PDE3A: variants seen among roughly 807,000 people sequenced by gnomAD.
PDE3A encodes the protein cGMP-inhibited 3',5'-cyclic phosphodiesterase 3A.
A neutral mutation model predicts 98.3 loss-of-function variants in PDE3A; 43 were observed. The ratio of observed to expected loss-of-function variants is 0.44; its 90% CI spans 0.34 to 0.56. PDE3A has a LOEUF of 0.56. Ranked by LOEUF, PDE3A falls within the 20% of genes least tolerant of loss-of-function variation. The pLI, the probability that PDE3A is intolerant of heterozygous loss-of-function variation, is 0.01. For synonymous variants in PDE3A, 663 were observed against 567.9 expected (o/e 1.17, Z -2.38); for missense variants, 1,427 against 1,440.7 (o/e 0.99, Z 0.15).
Position 20,687,663 on chromosome 12 carries a change from A to G in PDE3A, c.*7392A>G, listed in dbSNP as rs1290675444. Among the ~76,000 whole-genome samples the G allele has an allele frequency of 6.6e-6, 1 of 151,970 alleles. No homozygotes were observed. The highest frequency in any genetic ancestry group is 1.5e-5 in the Non-Finnish European group (1 of 67,934). On this transcript the variant is annotated 3_prime_UTR_variant, in exon 16 of 16. Coordinates refer to ENST00000359062, the MANE Select transcript of PDE3A (RefSeq NM_000921.5). ...CTGATATTTCTTCCTCAAGTTTTCT[A>G]TCATGCAAATCACAAAATGAAAATT...
chr12:20,480,541 C>T (rs1672968484), intron 1 of PDE3A, among the ~76,000 whole-genome samples: 1 of 152,202 alleles, frequency 6.6e-6, no homozygotes, highest in South Asian at 2.1e-4. Context: ...GCAAAACACA[C>T]ACACAGAGGA....
At chr12:20,662,428 T>C (rs150477169) in intron 15 of PDE3A, among the ~76,000 whole-genome samples, 34 of 152,324 alleles carry the variant, frequency 2.2e-4, no homozygotes, top group Admixed American at 8.5e-4. Flanking sequence ...CTGCATCATT[T>C]TGACCTGGAT....
At chr12:20,596,460 T>G (rs1374208323) in intron 2 of PDE3A, among the ~76,000 whole-genome samples, 1 of 152,182 alleles carries the variant, frequency 6.6e-6, no homozygotes, top group Non-Finnish European at 1.5e-5. Context: ...ATAATAAGAT[T>G]ACAACTGAAA....
At chr12:20,425,152 C>T (rs1022720886) in intron 1 of PDE3A, among the ~76,000 whole-genome samples, 1 of 152,166 alleles carries the variant, frequency 6.6e-6, no homozygotes, top group Non-Finnish European at 1.5e-5. Context: ...AAAAGAGGCA[C>T]ACGCCTGGAT....
chr12:20,602,977 T>C (rs1385258887), intron 2 of PDE3A, among the ~76,000 whole-genome samples: 1 of 152,212 alleles, frequency 6.6e-6, no homozygotes, highest in Non-Finnish European at 1.5e-5. Flanking sequence ...CCAGCTCATC[T>C]TCTAAATTAA....
At chr12:20,464,988 T>C (rs1336544212) in intron 1 of PDE3A, among the ~76,000 whole-genome samples, 2 of 152,340 alleles carry the variant, frequency 1.3e-5, no homozygotes, top group East Asian at 1.9e-4. Flanking sequence ...CAGTTACATA[T>C]GAGAATATGA....
At chr12:20,583,704 T>TATAAG (rs1943125886) in intron 2 of PDE3A, among the ~76,000 whole-genome samples, 1 of 152,224 alleles carries the variant, frequency 6.6e-6, no homozygotes, top group African/African-American at 2.4e-5. Flanking sequence ...TGGGCCCTGG[T>TATAAG]ATAAGATAAA....
chr12:20,601,013 C>A (rs1943578923), intron 2 of PDE3A, among the ~76,000 whole-genome samples: 1 of 152,078 alleles, frequency 6.6e-6, no homozygotes, highest in Non-Finnish European at 1.5e-5. Flanking sequence ...ATTGAGTGCC[C>A]ACAAAGTACC....
At chr12:20,620,416 A>G (rs1041104817) in intron 4 of PDE3A, among the ~76,000 whole-genome samples, 4 of 152,100 alleles carry the variant, frequency 2.6e-5, no homozygotes, top group African/African-American at 7.2e-5. Context: ...GGAGCAGTCC[A>G]AGATTGTCAA....
rs775990915 is a variant in PDE3A at position 20,369,854 on chromosome 12, C to A, written c.570C>A (p.Ala190=). The change falls in exon 1 of 16, where the codon GCC becomes GCA. Residue 190 remains alanine (A), a synonymous_variant. Coordinates refer to ENST00000359062, the MANE Select transcript of PDE3A (RefSeq NM_000921.5). ...VGEDHLLSLP[A]AGVVLSCLAA... ...AGGATCACTTACTCTCACTCCCCGC[C>A]GCGGGGGTGGTGCTCAGCTGCTTGG... is the stretch of plus-strand genomic sequence containing the variant. The A allele has an allele frequency of 3.1e-6, 5 of 1,612,102 alleles. No individual in the cohort carries two copies. The African/African-American group carries it at 6.7e-5, about 22-fold the overall frequency.
rs942788943 is a variant in PDE3A, at chr12:20,470,311, C to A, written c.961-86349C>A. ...GTTTTTATTTTGAATGTTGTTCTGACTTGAGGTGGAATACTATATTAAGAG... is the reference window on the plus strand; with the variant it reads ...GTTTTTATTTTGAATGTTGTTCTGAATTGAGGTGGAATACTATATTAAGAG... On this transcript the variant is annotated intron_variant, in intron 1 of 15. Coordinates refer to ENST00000359062, the MANE Select transcript of PDE3A (RefSeq NM_000921.5). Among the ~76,000 whole-genome samples the A allele has an allele frequency of 1.1e-4, 17 of 152,112 alleles. No individual in the cohort carries two copies. The South Asian group carries it at 3.5e-3, about 32-fold the overall frequency.
chr12:20,488,074 A>AC (rs1194374985), intron 1 of PDE3A, among the ~76,000 whole-genome samples: 3 of 152,194 alleles, frequency 2.0e-5, no homozygotes, highest in Admixed American at 6.5e-5. Flanking sequence ...TATGAAATGC[A>AC]CAACACTTAA....
In PDE3A at chr12:20,648,696, A is replaced by G; in HGVS notation, c.2574A>G (p.Leu858=). ...CTGTCTTATTTGCCTAGGCGGTGCT[A>G]TATAACGATCGTTCAGTTTTGGAGA... The part of the protein sequence containing the change: ...LVATSAPQAV[L]YNDRSVLENH... Residue 858 remains leucine, a synonymous_variant, in exon 13 of 16, where the codon CTA becomes CTG. Coordinates refer to ENST00000359062, the MANE Select transcript of PDE3A (RefSeq NM_000921.5). 2 of 1,602,314 alleles carry G rather than the reference A, an allele frequency of 1.2e-6. No homozygotes were observed. Among genetic ancestry groups the G allele is most frequent in the Non-Finnish European group, 1.7e-6 (2 of 1,169,298 alleles).
intron 1 of PDE3A, among the ~76,000 whole-genome samples, chr12:20,525,456 T>A (rs1240251133): frequency 1.4e-5 from 2 of 140,936 alleles, no homozygotes; most frequent in African/African-American, 5.2e-5. Flanking sequence ...ATGGAAACAT[T>A]CTGATTTGGT....
chr12:20,551,453 T>C (rs546039267), intron 1 of PDE3A: 1 of 615,836 alleles, frequency 1.6e-6, no homozygotes, highest in East Asian at 2.8e-5. Context: ...TGATAGCTCT[T>C]TCTCGATTCC....
At chr12:20,387,634 G>A (rs1238583013) in intron 1 of PDE3A, among the ~76,000 whole-genome samples, 2 of 151,892 alleles carry the variant, frequency 1.3e-5, no homozygotes, top group Non-Finnish European at 2.9e-5. Flanking sequence ...TATTAACTCA[G>A]ACTATCTGTT....
chr12:20,462,010 G>A (rs1945259446), intron 1 of PDE3A, among the ~76,000 whole-genome samples: 1 of 152,166 alleles, frequency 6.6e-6, no homozygotes, highest in African/African-American at 2.4e-5. Flanking sequence ...CCTGCTGCAT[G>A]TCTCACTTTG....
chr12:20,642,428 G>A (rs545115026), intron 10 of PDE3A, among the ~76,000 whole-genome samples: 1 of 152,310 alleles, frequency 6.6e-6, no homozygotes, highest in East Asian at 1.9e-4. Context: ...ATAAATTAAT[G>A]TATGGTGAAT....
intron 1 of PDE3A, among the ~76,000 whole-genome samples, chr12:20,424,777 T>G (rs1362972821): frequency 6.6e-6 from 1 of 152,182 alleles, no homozygotes; most frequent in African/African-American, 2.4e-5. Context: ...GTGATTATAA[T>G]ATTGAAAAGA....
Sources: gnomAD v4.1 joint callset for allele counts (sites outside exome capture counted in the v4.1 genomes callset) on GRCh38, gnomAD v4.1.1 for gene constraint, MANE v1.5 for transcripts, NCBI Gene and HGNC (gene_info 2026-07-23, HGNC 2026-07-21) for gene names.